Variants in CPA5 observed in about 807,000 individuals in gnomAD.
CPA5 encodes carboxypeptidase A5.
In CPA5, 38 loss-of-function variants were observed where a neutral mutation model predicts 52.2. The ratio of observed to expected loss-of-function variants is 0.73; its 90% CI spans 0.56 to 0.95. The LOEUF is 0.95. Ranked by LOEUF, CPA5 falls within the 40% of genes least tolerant of loss-of-function variation. The probability of loss-of-function intolerance (pLI) is 0.00; values close to 1 mark genes in which losing one functional copy is unlikely to be tolerated. For synonymous variants in CPA5, 198 were observed against 213.7 expected (o/e 0.93, Z 0.64); for missense variants, 519 against 566.7 (o/e 0.92, Z 0.86).
rs554694992 is a variant in CPA5 at position 130,348,418 on chromosome 7, G to T, written c.198+571G>T. On this transcript the variant is annotated intron_variant, in intron 4 of 12. Transcript: ENST00000474905. ...ATTCCTGGATGTGGTCAAAGCCCTT[G>T]CTCCTACTTGTCTGAGTGTCCCGTC... Among the ~76,000 whole-genome samples, 84 of 152,348 alleles carry T rather than the reference G, an allele frequency of 5.5e-4. No individual in the cohort carries two copies. The South Asian group carries it at 0.016, about 29-fold the overall frequency.
At chr7:130,364,462 G>A (rs1479925458) in intron 10 of CPA5, among the ~76,000 whole-genome samples, 1 of 152,146 alleles carries the variant, frequency 6.6e-6, no homozygotes, top group Non-Finnish European at 1.5e-5. Flanking sequence ...CAAAATGCTG[G>A]AATTACAGGC....
At chr7:130,366,061 T>C (rs1796066168) in intron 10 of CPA5, among the ~76,000 whole-genome samples, 1 of 152,212 alleles carries the variant, frequency 6.6e-6, no homozygotes, top group Non-Finnish European at 1.5e-5. Context: ...TCTGGGTTGG[T>C]GACTCAGGCT....
chr7:130,347,448 A>G (rs1190454722), intron 3 of CPA5, among the ~76,000 whole-genome samples: 6 of 146,112 alleles, frequency 4.1e-5, no homozygotes, highest in African/African-American at 1.0e-4. Flanking sequence ...CCCCCTCCCC[A>G]TTCCTTTCCC....
chr7:130,357,660 G>A (rs1430220719), intron 5 of CPA5, among the ~76,000 whole-genome samples: 3 of 151,580 alleles, frequency 2.0e-5, no homozygotes, highest in African/African-American at 4.9e-5. Flanking sequence ...AGTAGTATAA[G>A]CACATTGCCA....
intron 5 of CPA5, 150 bp downstream of exon 5, chr7:130,350,259 G>A (rs1175116231): frequency 6.0e-6 from 5 of 827,158 alleles, no homozygotes; most frequent in African/African-American, 1.7e-5. Context: ...AAGGAAGTGA[G>A]CCGCACGCTT....
chr7:130,362,899 G>A lies in CPA5; in HGVS notation c.652G>A (p.Gly218Ser), dbSNP rs1554407174. The stretch of plus-strand genomic sequence containing the variant: ...TTTCTTGCAGATTGTCAGTGATTAT[G>A]GCAAAGACCGTGTCCTGACAGACAT... Reference protein sequence around the residue: ...WTANKIVSDYGKDRVLTDILN... With the variant: ...WTANKIVSDYSKDRVLTDILN... Residue 218 changes from glycine to serine, a missense_variant, in exon 9 of 13, where the codon GGC becomes AGC. Gly to Ser is a moderately conservative substitution (Grantham distance 56). Coordinates refer to ENST00000474905, the MANE Select transcript of CPA5 (RefSeq NM_080385.5). The A allele has an allele frequency of 6.2e-7, 1 of 1,612,282 alleles. No individual in the cohort carries two copies. Among genetic ancestry groups the A allele is most frequent in the East Asian group, 2.2e-5 (1 of 44,860 alleles).
chr7:130,373,732 G>A, the CPA5 span, among the ~76,000 whole-genome samples: 4 of 152,246 alleles, frequency 2.6e-5, no homozygotes, highest in African/African-American at 9.6e-5. Flanking sequence ...CCAGGCAGCC[G>A]GTCAGCACAG....
rs151011056 is a variant in CPA5, at chr7:130,368,594, C to A, written c.1308C>A (p.Tyr436Ter). ...TGGAGCACACCCTGAATCACCCCTACTAGCAGCACGACTGAGGGCAGGAGG... is the reference window on the plus strand; with the variant it reads ...TGGAGCACACCCTGAATCACCCCTAATAGCAGCACGACTGAGGGCAGGAGG... Reference protein sequence around the residue: ...TIMEHTLNHPY With the variant: ...TIMEHTLNHP The change falls in exon 13 of 13, where the codon TAC (tyrosine) becomes TAA (stop). Residue 436 changes from tyrosine to a stop codon, truncating the protein, a stop_gained. Coordinates refer to ENST00000474905, the MANE Select transcript of CPA5 (RefSeq NM_080385.5). LOFTEE classifies it high-confidence loss of function. The A allele has an allele frequency of 6.2e-7, 1 of 1,614,044 alleles. No homozygotes were observed. Among genetic ancestry groups the A allele is most frequent in the Non-Finnish European group, 8.5e-7 (1 of 1,179,996 alleles).
chr7:130,362,039 G>A (rs977337917), intron 7 of CPA5, among the ~76,000 whole-genome samples: 5 of 152,094 alleles, frequency 3.3e-5, no homozygotes, highest in African/African-American at 9.7e-5. Flanking sequence ...GCCCCTGCAT[G>A]GCAGCATCAA....
At chr7:130,349,877 T>C in intron 4 of CPA5, 98 bp from the exon 5 acceptor site, 1 of 1,412,080 alleles carries the variant, frequency 7.1e-7, no homozygotes. Flanking sequence ...AGAGGGTCTC[T>C]ACTGGCTGAG....
intron 4 of CPA5, 78 bp downstream of exon 4, chr7:130,347,925 CT>C (rs67154429): frequency 0.1 from 114,707 of 1,118,902 alleles, 6,518 homozygotes; most frequent in Middle Eastern, 0.15. Context: ...TCCTGCCCCC[CT>C]TTATCCCAAA....
rs544917557 is a variant in CPA5 at position 130,352,358 on chromosome 7, C to T, written c.333+2249C>T. On this transcript the variant is annotated intron_variant, in intron 5 of 12. Coordinates refer to ENST00000474905, the MANE Select transcript of CPA5 (RefSeq NM_080385.5). Reference sequence around the variant, plus strand: ...AGGACAGCTGGAGGGTCGCGGGGGCCGGGGATGGAGGGGGGTAAATCGGTG... The same window carrying T: ...AGGACAGCTGGAGGGTCGCGGGGGCTGGGGATGGAGGGGGGTAAATCGGTG... Among the ~76,000 whole-genome samples, 18 of 144,298 alleles carry T rather than the reference C, an allele frequency of 1.2e-4. 1 individual carries two copies. Among genetic ancestry groups the T allele is most frequent in the East Asian group, 1.2e-3 (6 of 4,968 alleles). 94.7% of individuals were successfully genotyped at this position (144,298 alleles called of 152,430 possible).
chr7:130,368,030 C>T lies in CPA5; in HGVS notation c.1123+40C>T, dbSNP rs370874489. ...CCTGGCCCTGCTTCAGACACCACAT[C>T]TACCTGGGGCTGGCTGCAGGGCAGT... On this transcript the variant is annotated intron_variant, in intron 12 of 12. Coordinates refer to ENST00000474905, the MANE Select transcript of CPA5 (RefSeq NM_080385.5). 1.8e-5 allele frequency: 28 copies of T among 1,562,726 alleles called. No individual in the cohort carries two copies. The African/African-American group carries it at 3.7e-4, about 20-fold the overall frequency.
At chr7:130,371,904 T>C (rs1460132626), downstream of CPA5, among the ~76,000 whole-genome samples, 5 of 152,160 alleles carry the variant, frequency 3.3e-5, no homozygotes, top group Non-Finnish European at 7.3e-5. Context: ...CCAGTGGCCC[T>C]GTCTACCTCT....
chr7:130,355,360 G>T (rs1795415461), intron 5 of CPA5, among the ~76,000 whole-genome samples: 1 of 152,076 alleles, frequency 6.6e-6, no homozygotes, highest in Admixed American at 6.6e-5. Context: ...TAAGCATTTA[G>T]CATGTATTAA....
intron 3 of CPA5, among the ~76,000 whole-genome samples, chr7:130,347,206 C>T (rs1404198536): frequency 2.0e-5 from 3 of 152,208 alleles, no homozygotes; most frequent in Non-Finnish European, 4.4e-5. Flanking sequence ...ACCCCAGAGC[C>T]CACACCACAG....
At chr7:130,360,010 C>T (rs1554406177) in intron 6 of CPA5, among the ~76,000 whole-genome samples, 1 of 152,184 alleles carries the variant, frequency 6.6e-6, no homozygotes, top group Non-Finnish European at 1.5e-5. Flanking sequence ...TAGAAGCTAC[C>T]TTCATCTTGA....
chr7:130,371,596 G>C (rs1796295147), downstream of CPA5, among the ~76,000 whole-genome samples: 1 of 151,286 alleles, frequency 6.6e-6, no homozygotes, highest in Non-Finnish European at 1.5e-5. Context: ...TTGAGACGGA[G>C]TTTTGTTCTT....
chr7:130,365,408 C>T (rs1435962859), intron 10 of CPA5, among the ~76,000 whole-genome samples: 1 of 152,188 alleles, frequency 6.6e-6, no homozygotes, highest in African/African-American at 2.4e-5. Context: ...TATCCATATA[C>T]ACACAGTGTA....
Sources: gnomAD v4.1 joint callset for allele counts (sites outside exome capture counted in the v4.1 genomes callset) on GRCh38, gnomAD v4.1.1 for gene constraint, MANE v1.5 for transcripts, NCBI Gene and HGNC (gene_info 2026-07-23, HGNC 2026-07-21) for gene names.